The following LRBA variants were observed in gnomAD, a reference collection of about 807,000 sequenced individuals.
LRBA encodes LPS responsive beige-like anchor protein.
Under a neutral mutation model 330.0 loss-of-function variants are expected in LRBA, and 176 were observed. The ratio of observed to expected loss-of-function variants is 0.53; its 90% CI spans 0.47 to 0.60. The LOEUF (loss-of-function observed/expected upper bound fraction) is 0.60. LRBA is among the 20% of genes least tolerant of loss of function. The pLI, the probability that LRBA is intolerant of heterozygous loss-of-function variation, is 0.00. For synonymous variants in LRBA, 1,230 were observed against 1,193.0 expected (o/e 1.03, Z -0.64); for missense variants, 3,259 against 3,444.8 (o/e 0.95, Z 1.35).
chr4:150,902,840 C>T (rs559248607), intron 13 of LRBA, among the ~76,000 whole-genome samples: 1 of 152,254 alleles, frequency 6.6e-6, no homozygotes, highest in Non-Finnish European at 1.5e-5. Context: ...TGGTGGGATT[C>T]TATTTTTGCT....
rs61682098 is a variant in LRBA at position 150,320,159 on chromosome 4, T to A, written c.7630+1032A>T. 9.3e-4 allele frequency among the ~76,000 whole-genome samples: 141 copies of A among 152,242 alleles called. 4 individuals are homozygous for A. Among genetic ancestry groups the A allele is most frequent in the African/African-American group, 3.3e-3 (139 of 41,566 alleles). On this transcript the variant is annotated intron_variant, in intron 50 of 56. Transcript: ENST00000651943. ...AGAATACATTACAGAGGGGTGGTCA[T>A]AAAATCTGAGTGAGAAAACCTGGGC...
chr4:150,347,370 G>A (rs947609815), intron 48 of LRBA, among the ~76,000 whole-genome samples: 1 of 152,162 alleles, frequency 6.6e-6, no homozygotes, highest in African/African-American at 2.4e-5. Context: ...AAATGGCCAG[G>A]GGCAGTGGCT....
intron 40 of LRBA, among the ~76,000 whole-genome samples, chr4:150,533,187 G>GT (rs1478320849): frequency 6.6e-6 from 1 of 151,826 alleles, no homozygotes; most frequent in Non-Finnish European, 1.5e-5. Flanking sequence ...TTGTTTGTTT[G>GT]TTTTTTAATT....
chr4:150,559,865 T>A (rs10033139), intron 40 of LRBA, among the ~76,000 whole-genome samples: 4 of 43,658 alleles, frequency 9.2e-5, no homozygotes, highest in African/African-American at 3.6e-4. Flanking sequence ...TAATTATATA[T>A]AATATATAAT....
intron 36 of LRBA, among the ~76,000 whole-genome samples, chr4:150,708,901 T>C (rs1303304311): frequency 6.6e-6 from 1 of 151,872 alleles, no homozygotes; most frequent in Non-Finnish European, 1.5e-5. Context: ...TGTTAATGAA[T>C]ACAACCCTTT....
At chr4:151,005,557 T>G (rs578065944) in intron 2 of LRBA, among the ~76,000 whole-genome samples, 1 of 142,256 alleles carries the variant, frequency 7.0e-6, no homozygotes, top group Non-Finnish European at 1.5e-5. Flanking sequence ...ATAATGACAC[T>G]GTTCTTTTTT....
rs372473124 is a variant in LRBA at position 150,683,733 on chromosome 4, A to T, written c.5755-16T>A. On this transcript the variant is annotated splice_polypyrimidine_tract_variant and intron_variant, in intron 36 of 56. Transcript: ENST00000651943. The stretch of plus-strand genomic sequence containing the variant: ...CACACAGTGACTTGGAGAGAAAAAA[A>T]AATAATACTATAAAAAATGTGAAAA... The T allele has an allele frequency of 1.3e-4, 203 of 1,549,786 alleles. No homozygotes were observed. The highest frequency in any genetic ancestry group is 4.8e-4 in the African/African-American group (35 of 72,730).
At chr4:150,510,194 G>A (rs1316558743) in intron 40 of LRBA, among the ~76,000 whole-genome samples, 2 of 152,030 alleles carry the variant, frequency 1.3e-5, no homozygotes, top group Non-Finnish European at 2.9e-5. Context: ...GAAATAGATT[G>A]CATAAATAAT....
chr4:150,301,159 AT>A (rs1356104906), intron 53 of LRBA, among the ~76,000 whole-genome samples: 2 of 152,098 alleles, frequency 1.3e-5, no homozygotes, highest in African/African-American at 4.8e-5. Context: ...GGAGTCACTT[AT>A]TCTAAGAGGA....
chr4:150,510,254 G>T (rs1761675582), intron 40 of LRBA, among the ~76,000 whole-genome samples: 1 of 152,058 alleles, frequency 6.6e-6, no homozygotes, highest in Admixed American at 6.5e-5. Context: ...TTCCCAAAAA[G>T]TAAACTCCAG....
intron 47 of LRBA, among the ~76,000 whole-genome samples, chr4:150,412,209 G>A (rs1184661900): frequency 6.6e-6 from 1 of 152,094 alleles, no homozygotes; most frequent in African/African-American, 2.4e-5. Flanking sequence ...ATACAGTTCT[G>A]TTTAGGAATG....
intron 50 of LRBA, among the ~76,000 whole-genome samples, chr4:150,317,825 A>C (rs1231513455): frequency 6.6e-6 from 1 of 152,154 alleles, no homozygotes; most frequent in Non-Finnish European, 1.5e-5. Context: ...TCTATGTTTC[A>C]ATTTCCTGAT....
intron 40 of LRBA, among the ~76,000 whole-genome samples, chr4:150,511,181 C>T (rs536696382): frequency 1.3e-5 from 2 of 152,152 alleles, no homozygotes; most frequent in African/African-American, 4.8e-5. Context: ...TCAACACATC[C>T]AAAAACGAAC....
chr4:151,004,154 G>A (rs572581861), intron 2 of LRBA, among the ~76,000 whole-genome samples: 6 of 152,068 alleles, frequency 3.9e-5, no homozygotes, highest in South Asian at 2.1e-4. Flanking sequence ...TTCTCTGCCC[G>A]GCCTCCCAAG....
intron 40 of LRBA, among the ~76,000 whole-genome samples, chr4:150,504,422 G>A (rs549138779): frequency 6.6e-6 from 1 of 152,252 alleles, no homozygotes; most frequent in Non-Finnish European, 1.5e-5. Flanking sequence ...AGCCAGAAGA[G>A]AGTGGGGGCC....
intron 34 of LRBA, among the ~76,000 whole-genome samples, chr4:150,765,336 C>T (rs1479364840): frequency 6.6e-6 from 1 of 152,026 alleles, no homozygotes. Context: ...GATGAAGACA[C>T]ACCACTACAC....
intron 30 of LRBA, among the ~76,000 whole-genome samples, chr4:150,818,089 A>G (rs1363536463): frequency 6.6e-6 from 1 of 152,154 alleles, no homozygotes; most frequent in Non-Finnish European, 1.5e-5. Context: ...TGACAGTACT[A>G]TAACTGCGAG....
At chr4:150,269,823 G>A (rs1030542570) in intron 56 of LRBA, among the ~76,000 whole-genome samples, 1 of 152,044 alleles carries the variant, frequency 6.6e-6, no homozygotes, top group Admixed American at 6.6e-5. Context: ...CACATGCCTG[G>A]AGTACCAGCT....
At chr4:150,308,364 G>C (rs1203720522) in intron 52 of LRBA, among the ~76,000 whole-genome samples, 1 of 152,202 alleles carries the variant, frequency 6.6e-6, no homozygotes, top group Non-Finnish European at 1.5e-5. Flanking sequence ...TTGTGGTGGT[G>C]CTGGTTTAAA....
Sources: allele counts gnomAD v4.1 joint callset (sites outside exome capture counted in the v4.1 genomes callset), GRCh38; gene constraint gnomAD v4.1.1; transcripts MANE v1.5; gene names NCBI Gene and HGNC (gene_info 2026-07-23, HGNC 2026-07-21).